The following RNF216 variants were observed in gnomAD, a reference collection of about 807,000 sequenced individuals.
RNF216 encodes E3 ubiquitin-protein ligase RNF216.
In RNF216, 72 loss-of-function variants were observed where a neutral mutation model predicts 110.8. That is an observed-to-expected ratio of 0.65 (90% confidence interval 0.54 to 0.79). RNF216 has a LOEUF of 0.79. Ranked by LOEUF, RNF216 falls within the 30% of genes least tolerant of loss-of-function variation. RNF216 has a pLI of 0.00. For synonymous variants in RNF216, 495 were observed against 407.5 expected, an observed-to-expected ratio of 1.21 and a Z score of -2.59; for missense variants, 1,342 against 1,141.2, an observed-to-expected ratio of 1.18 and a Z score of -2.54.
Position 5,668,011 on chromosome 7 carries a change from C to T in RNF216, c.2062-15501G>A, listed in dbSNP as rs192909305. Among the ~76,000 whole-genome samples, 576 of 152,206 alleles carry T rather than the reference C, an allele frequency of 3.8e-3. 3 individuals carry two copies. The highest frequency in any genetic ancestry group is 0.013 in the African/African-American group (556 of 41,522). ...GTAACTTCGCGTTGGTATTTTAGGGCGCTGTGTAAAGATGGCAGTAATTCA... is the reference window on the plus strand; with the variant it reads ...GTAACTTCGCGTTGGTATTTTAGGGTGCTGTGTAAAGATGGCAGTAATTCA... On this transcript the variant is annotated intron_variant, in intron 13 of 16. Coordinates refer to ENST00000389902, the MANE Select transcript of RNF216 (RefSeq NM_207111.4).
intron 1 of RNF216, 56 bp downstream of exon 1, chr7:5,781,485 G>A (rs949509149): frequency 3.7e-5 from 5 of 135,082 alleles, no homozygotes; most frequent in African/African-American, 1.4e-4. Flanking sequence ...CAGAGAGGCC[G>A]CGTCGCCTCA....
chr7:5,731,549 C>T (rs1794090739), intron 5 of RNF216, among the ~76,000 whole-genome samples: 1 of 151,464 alleles, frequency 6.6e-6, no homozygotes. Flanking sequence ...ACTATCCAGG[C>T]TCTTCACAGT....
intron 13 of RNF216, chr7:5,662,536 G>A (rs1333400210): frequency 6.6e-6 from 1 of 152,172 alleles, no homozygotes; most frequent in East Asian, 1.9e-4. Flanking sequence ...TTTGTTCAGA[G>A]CAATGCAGGT....
chr7:5,648,956 A>G (rs62453430), intron 14 of RNF216, among the ~76,000 whole-genome samples: 4,367 of 152,290 alleles, frequency 0.029, 101 homozygotes, highest in Non-Finnish European at 0.043. Context: ...CAAAGACTTA[A>G]AATTTCAATT....
chr7:5,742,331 G>A (rs1794803039), intron 3 of RNF216, among the ~76,000 whole-genome samples: 1 of 152,094 alleles, frequency 6.6e-6, no homozygotes, highest in South Asian at 2.1e-4. Context: ...ACAGGCATGA[G>A]CCACTGAACC....
At chr7:5,745,404 C>T (rs1000758645) in intron 3 of RNF216, among the ~76,000 whole-genome samples, 1 of 152,022 alleles carries the variant, frequency 6.6e-6, no homozygotes, top group Admixed American at 6.6e-5. Context: ...TTAAGTATTC[C>T]CATTTATGTC....
At chr7:5,661,312 C>T (rs1429479638) in intron 13 of RNF216, among the ~76,000 whole-genome samples, 2 of 151,784 alleles carry the variant, frequency 1.3e-5, no homozygotes, top group Non-Finnish European at 2.9e-5. Flanking sequence ...TAGCTCATGG[C>T]GGTCTCCTCA....
intron 13 of RNF216, among the ~76,000 whole-genome samples, chr7:5,689,261 G>A (rs570552426): frequency 5.1e-4 from 77 of 151,728 alleles, no homozygotes; most frequent in African/African-American, 1.8e-3. Context: ...CAGCATTTTG[G>A]CTAGTTTGTG....
chr7:5,739,527 T>C (rs977444580), intron 4 of RNF216, 175 bp from the exon 5 acceptor site: 5 of 702,828 alleles, frequency 7.1e-6, no homozygotes, highest in African/African-American at 3.5e-5. Flanking sequence ...TCTGTCTACA[T>C]AGAAGATGAG....
intron 14 of RNF216, among the ~76,000 whole-genome samples, chr7:5,644,373 C>T (rs1388174128): frequency 2.6e-5 from 4 of 152,114 alleles, no homozygotes; most frequent in African/African-American, 7.2e-5. Flanking sequence ...TATAGTCATC[C>T]TAATAGGTGT....
chr7:5,773,195 G>T (rs1375535477), intron 1 of RNF216, among the ~76,000 whole-genome samples: 1 of 151,880 alleles, frequency 6.6e-6, no homozygotes, highest in African/African-American at 2.4e-5. Context: ...AACAGCTCTG[G>T]TATCAAATTT....
chr7:5,776,574 G>A (rs189778092), intron 1 of RNF216, among the ~76,000 whole-genome samples: 368 of 122,046 alleles, frequency 3.0e-3, no homozygotes, highest in African/African-American at 0.011. Flanking sequence ...TAGCCTGGGC[G>A]ACAGAGCAAG....
At chr7:5,671,805 C>CAAAAAAAAAAAAAAAAAAAAAAAA (rs11319565) in intron 13 of RNF216, among the ~76,000 whole-genome samples, 20 of 54,216 alleles carry the variant, frequency 3.7e-4, no homozygotes, top group East Asian at 1.0e-3. Context: ...AACTCCGTCT[C>CAAAAAAAAAAAAAAAAAAAAAAAA]AAAAAAAAAA....
chr7:5,627,799 T>G (rs1205809661), intron 15 of RNF216, among the ~76,000 whole-genome samples: 1 of 151,616 alleles, frequency 6.6e-6, no homozygotes, highest in Non-Finnish European at 1.5e-5. Flanking sequence ...GACTCTCCCC[T>G]GATAAAACAC....
intron 13 of RNF216, among the ~76,000 whole-genome samples, chr7:5,691,292 T>C (rs1791324032): frequency 6.6e-6 from 1 of 152,214 alleles, no homozygotes; most frequent in Non-Finnish European, 1.5e-5. Context: ...GGACACTGTC[T>C]TGTGACCCAC....
chr7:5,635,389 G>A (rs1308289225), intron 15 of RNF216, among the ~76,000 whole-genome samples: 2 of 151,896 alleles, frequency 1.3e-5, no homozygotes, highest in Non-Finnish European at 2.9e-5. Flanking sequence ...GGACAATCTG[G>A]GGGCTCACTT....
chr7:5,712,969 T>C, intron 11 of RNF216, 106 bp from the exon 12 acceptor site: 1 of 998,510 alleles, frequency 1.0e-6, no homozygotes, highest in Non-Finnish European at 1.4e-6. Flanking sequence ...ATAGCAAGGA[T>C]CTCTCTGCCT....
At chr7:5,762,020 G>A (rs1409187770) in intron 1 of RNF216, among the ~76,000 whole-genome samples, 1 of 152,028 alleles carries the variant, frequency 6.6e-6, no homozygotes, top group Non-Finnish European at 1.5e-5. Context: ...CAAGAAATAC[G>A]CATAATAGAA....
intron 13 of RNF216, among the ~76,000 whole-genome samples, chr7:5,685,091 G>A (rs1288736917): frequency 2.6e-5 from 4 of 152,124 alleles, no homozygotes; most frequent in Non-Finnish European, 4.4e-5. Context: ...CCCTCAAGCC[G>A]CCATCTTGGG....
Sources: allele counts gnomAD v4.1 joint callset (sites outside exome capture counted in the v4.1 genomes callset), GRCh38; gene constraint gnomAD v4.1.1; transcripts MANE v1.5; gene names NCBI Gene and HGNC (gene_info 2026-07-23, HGNC 2026-07-21).